Variants in RASAL2 observed in about 807,000 individuals in gnomAD.
RASAL2 encodes the protein ras GTPase-activating protein nGAP.
In RASAL2, 58 loss-of-function variants were observed where a neutral mutation model predicts 128.9. The observed-to-expected ratio is 0.45, with a 90% CI of 0.36 to 0.56. The LOEUF (loss-of-function observed/expected upper bound fraction) is 0.56. Ranked by LOEUF, RASAL2 falls within the 20% of genes least tolerant of loss-of-function variation. RASAL2 has a pLI of 0.00. For synonymous variants in RASAL2, 561 were observed against 580.8 expected, an observed-to-expected ratio of 0.97 and a Z score of 0.49; for missense variants, 1,360 against 1,601.6, an observed-to-expected ratio of 0.85 and a Z score of 2.57.
chr1:178,319,199 C>A lies in RASAL2; in HGVS notation c.457+19081C>A, dbSNP rs1184009227. Among the ~76,000 whole-genome samples the A allele has an allele frequency of 1.4e-4, 21 of 152,140 alleles. 2 individuals carry two copies. In the East Asian group the frequency reaches 3.1e-3, roughly 22 times the overall value. On this transcript the variant is annotated intron_variant, in intron 3 of 17. Coordinates refer to ENST00000367649, the MANE Select transcript of RASAL2 (RefSeq NM_170692.4). Reference sequence around the variant, plus strand: ...GATGGGCTTCCCTTTGAGGGTAACCCAACCTTTTTCTCTGGCTGCCCTTAA... The same window carrying A: ...GATGGGCTTCCCTTTGAGGGTAACCAAACCTTTTTCTCTGGCTGCCCTTAA...
chr1:178,142,581 A>G (rs1660571314), intron 1 of RASAL2, among the ~76,000 whole-genome samples: 2 of 152,172 alleles, frequency 1.3e-5, no homozygotes, highest in African/African-American at 4.8e-5. Context: ...AGAGCAGGCC[A>G]TGCAAGGTGG....
chr1:178,451,613 A>C lies in RASAL2; in HGVS notation c.1670A>C (p.Glu557Ala). ...TTGTATGAGTCCGATGAGAACTGTG[A>C]AGTGGATCCCAGCAAATGTTCATCT... is the stretch of plus-strand genomic sequence containing the variant. Reference protein sequence around the residue: ...KALYESDENCEVDPSKCSSSE... With the variant: ...KALYESDENCAVDPSKCSSSE... Residue 557 changes from glutamate to alanine, a missense_variant, in exon 10 of 18, where the codon GAA (glutamate) becomes GCA (alanine). Glu to Ala is a moderately radical substitution (Grantham distance 107). Coordinates refer to ENST00000367649, the MANE Select transcript of RASAL2 (RefSeq NM_170692.4). 1 of 1,613,894 alleles carries C rather than the reference A, an allele frequency of 6.2e-7. No individual in the cohort carries two copies. Among genetic ancestry groups the C allele is most frequent in the Non-Finnish European group, 8.5e-7 (1 of 1,179,802 alleles).
At chr1:178,401,492 G>A (rs1327595097) in intron 4 of RASAL2, among the ~76,000 whole-genome samples, 1 of 152,046 alleles carries the variant, frequency 6.6e-6, no homozygotes, top group Non-Finnish European at 1.5e-5. Context: ...AAGTTCCATG[G>A]GGCTGGGCCT....
rs1218175635 is a variant in RASAL2 at position 178,277,760 on chromosome 1, C to T, written c.203-5804C>T. 2.0e-5 allele frequency among the ~76,000 whole-genome samples: 3 copies of T among 152,188 alleles called. No homozygotes were observed. In the East Asian group the frequency reaches 5.8e-4, roughly 29 times the overall value. ...AGACCTTCCCTATTCAGATAGATTTCCCAAAACTATGCTGTTGTTATTTCT... is the reference window on the plus strand; with the variant it reads ...AGACCTTCCCTATTCAGATAGATTTTCCAAAACTATGCTGTTGTTATTTCT... On this transcript the variant is annotated intron_variant, in intron 1 of 17. Transcript: ENST00000367649.
At chr1:178,351,967 A>G (rs1272137334) in intron 3 of RASAL2, among the ~76,000 whole-genome samples, 1 of 152,204 alleles carries the variant, frequency 6.6e-6, no homozygotes, top group African/African-American at 2.4e-5. Flanking sequence ...CAGTGTGAAA[A>G]CAAAATATAA....
In RASAL2 at chr1:178,362,989, AGATTGT is replaced by A. The variant is rs1312113050; in HGVS notation, c.458-27106_458-27101del. ...TATGGGAATGCAGATTTTTTTAATA[AGATTGT>A]GATTTCATTTCCTTTGAGTAGATAC... is the stretch of plus-strand genomic sequence containing the variant. On this transcript the variant is annotated intron_variant, in intron 3 of 17. Coordinates refer to ENST00000367649, the MANE Select transcript of RASAL2 (RefSeq NM_170692.4). Among the ~76,000 whole-genome samples the A allele has an allele frequency of 2.6e-5, 4 of 152,118 alleles. No individual in the cohort carries two copies. The South Asian group carries it at 6.2e-4, about 24-fold the overall frequency.
At chr1:178,138,621 T>C (rs1351332343) in intron 1 of RASAL2, among the ~76,000 whole-genome samples, 1 of 152,166 alleles carries the variant, frequency 6.6e-6, no homozygotes, top group African/African-American at 2.4e-5. Context: ...CTGAGCTGCA[T>C]ACATTTTTTT....
At chr1:178,368,673 C>T (rs368392694) in intron 3 of RASAL2, among the ~76,000 whole-genome samples, 35 of 151,698 alleles carry the variant, frequency 2.3e-4, no homozygotes, top group African/African-American at 7.3e-4. Context: ...GGTCTCACTC[C>T]GTCACCTAGA....
At chr1:178,461,538 T>C (rs967138225) in intron 14 of RASAL2, among the ~76,000 whole-genome samples, 1 of 152,236 alleles carries the variant, frequency 6.6e-6, no homozygotes, top group Non-Finnish European at 1.5e-5. Flanking sequence ...TATTTTGTTT[T>C]TCATGTATCA....
intron 1 of RASAL2, among the ~76,000 whole-genome samples, chr1:178,148,242 A>T (rs544522154): frequency 6.6e-6 from 1 of 151,270 alleles, no homozygotes; most frequent in South Asian, 2.1e-4. Context: ...TAAAGAAGAG[A>T]TAGAAAAGGG....
intron 4 of RASAL2, among the ~76,000 whole-genome samples, chr1:178,404,225 C>CAA (rs547639078): frequency 2.6e-4 from 15 of 57,098 alleles, no homozygotes; most frequent in East Asian, 1.1e-3. Flanking sequence ...GACCCCGTCT[C>CAA]AAAAAAAAAA....
intron 5 of RASAL2, among the ~76,000 whole-genome samples, chr1:178,433,988 T>G (rs985891945): frequency 2.0e-5 from 3 of 152,078 alleles, no homozygotes; most frequent in African/African-American, 7.2e-5. Flanking sequence ...CCCATTACTT[T>G]TATGGCAATT....
intron 1 of RASAL2, among the ~76,000 whole-genome samples, chr1:178,227,484 A>C (rs1177742193): frequency 6.6e-6 from 1 of 152,122 alleles, no homozygotes; most frequent in Non-Finnish European, 1.5e-5. Flanking sequence ...AAATCCCCTT[A>C]CTACACACTT....
intron 1 of RASAL2, among the ~76,000 whole-genome samples, chr1:178,133,089 C>T (rs568431513): frequency 2.0e-4 from 31 of 152,252 alleles, no homozygotes; most frequent in African/African-American, 7.5e-4. Flanking sequence ...TTAAATGATA[C>T]TTTTAGAAGA....
chr1:178,276,743 A>AT (rs1164315737), intron 1 of RASAL2, among the ~76,000 whole-genome samples: 3 of 152,138 alleles, frequency 2.0e-5, no homozygotes, highest in African/African-American at 7.2e-5. Context: ...TTCTTCTATT[A>AT]TATCAGAAAT....
intron 12 of RASAL2, 118 bp from the exon 13 acceptor site, chr1:178,456,603 A>T: frequency 9.3e-7 from 1 of 1,078,246 alleles, no homozygotes; most frequent in Non-Finnish European, 1.4e-6. Context: ...ATATGCAAAC[A>T]CTTACCCTTC....
chr1:178,159,931 AACT>A (rs1661219706), intron 1 of RASAL2, among the ~76,000 whole-genome samples: 1 of 152,168 alleles, frequency 6.6e-6, no homozygotes, highest in Non-Finnish European at 1.5e-5. Flanking sequence ...AAACAAAAAA[AACT>A]ACTGTGGATA....
At position 178,217,561 on chromosome 1, in the gene RASAL2, A is replaced by C. The variant is rs559237340; in HGVS notation, c.203-66003A>C. ...TGTTCAGTTCCAGACCACTGCAATAAAGCAAATGTCTCAATAAAGTGAGTC... is the reference window on the plus strand; with the variant it reads ...TGTTCAGTTCCAGACCACTGCAATACAGCAAATGTCTCAATAAAGTGAGTC... On this transcript the variant is annotated intron_variant, in intron 1 of 17. Transcript: ENST00000367649. Among the ~76,000 whole-genome samples the C allele has an allele frequency of 1.4e-4, 21 of 152,356 alleles. No individual in the cohort carries two copies. The South Asian group carries it at 2.7e-3, about 20-fold the overall frequency.
chr1:178,443,202 C>T lies in RASAL2; in HGVS notation c.1455C>T (p.His485=), dbSNP rs139961408. Reference sequence around the variant, plus strand: ...AGGAGTTGGCTTGTGCCTTAGTGCACATTCTTCAAAGTACTGGCAGAGCCA... The same window carrying T: ...AGGAGTTGGCTTGTGCCTTAGTGCATATTCTTCAAAGTACTGGCAGAGCCA... ...NKEELACALV[H]ILQSTGRAKD... The change falls in exon 8 of 18, where the codon CAC becomes CAT. Residue 485 remains histidine (H), a synonymous_variant. Coordinates refer to ENST00000367649, the MANE Select transcript of RASAL2 (RefSeq NM_170692.4). The T allele has an allele frequency of 6.5e-5, 105 of 1,611,248 alleles. No homozygotes were observed. Among genetic ancestry groups the T allele is most frequent in the Non-Finnish European group, 8.2e-5 (97 of 1,177,792 alleles).
Sources: gnomAD v4.1 joint callset for allele counts (sites outside exome capture counted in the v4.1 genomes callset) on GRCh38, gnomAD v4.1.1 for gene constraint, MANE v1.5 for transcripts, NCBI Gene and HGNC (gene_info 2026-07-23, HGNC 2026-07-21) for gene names.